The following TBL1XR1 variants were observed in gnomAD, a reference collection of about 807,000 sequenced individuals.
TBL1XR1 encodes F-box-like/WD repeat-containing protein TBL1XR1.
Under a neutral mutation model 66.9 loss-of-function variants are expected in TBL1XR1, and 5 were observed. The observed-to-expected ratio is 0.07, with a 90% CI of 0.04 to 0.16. TBL1XR1 has a LOEUF of 0.16. TBL1XR1 is among the 10% of genes least tolerant of loss of function. The probability of loss-of-function intolerance (pLI) is 1.00; values close to 1 mark genes in which losing one functional copy is unlikely to be tolerated. For missense variants in TBL1XR1, 238 were observed against 623.2 expected (o/e 0.38, Z 6.58); for synonymous variants, 210 against 206.0 (o/e 1.02, Z -0.17).
rs557487535 is a variant in TBL1XR1, at chr3:177,059,485, C to T, written c.58+5435G>A. Among the ~76,000 whole-genome samples, 18 of 152,230 alleles carry T rather than the reference C, an allele frequency of 1.2e-4. No homozygotes were observed. The South Asian group carries it at 1.2e-3, about 11-fold the overall frequency. ...AATTAAAAAATAATAGTATATGGTT[C>T]TGACTTGTGATTTTACAAATATAAC... On this transcript the variant is annotated intron_variant, in intron 3 of 15. Coordinates refer to ENST00000457928, the MANE Select transcript of TBL1XR1 (RefSeq NM_024665.7).
chr3:177,077,660 G>C (rs1243863140), intron 2 of TBL1XR1, among the ~76,000 whole-genome samples: 1 of 152,156 alleles, frequency 6.6e-6, no homozygotes, highest in East Asian at 1.9e-4. Context: ...AAGTGAGTAT[G>C]CTGGTATCAT....
intron 3 of TBL1XR1, among the ~76,000 whole-genome samples, chr3:177,061,827 C>T (rs1164290176): frequency 6.6e-6 from 1 of 152,124 alleles, no homozygotes; most frequent in Non-Finnish European, 1.5e-5. Flanking sequence ...CCCAAAACAA[C>T]CCAGACATTA....
At chr3:177,026,795 GT>G in intron 14 of TBL1XR1, 1 of 205,932 alleles carries the variant, frequency 4.9e-6, no homozygotes, top group Non-Finnish European at 9.6e-6. Flanking sequence ...CATGAAATAA[GT>G]TTTTGTTGTT....
At chr3:177,044,130 C>T (rs1044744835) in intron 10 of TBL1XR1, among the ~76,000 whole-genome samples, 2 of 152,134 alleles carry the variant, frequency 1.3e-5, no homozygotes, top group Admixed American at 6.5e-5. Flanking sequence ...CCCGCAGCAT[C>T]GAATCTGTGG....
chr3:177,057,395 G>A (rs1355959470), intron 3 of TBL1XR1, among the ~76,000 whole-genome samples: 1 of 152,112 alleles, frequency 6.6e-6, no homozygotes, highest in African/African-American at 2.4e-5. Flanking sequence ...CCTGACAAAA[G>A]GGTTTAAGTC....
rs1413731627 is a variant in TBL1XR1 at position 177,047,393 on chromosome 3, G to T, written c.771C>A (p.Asn257Lys). Residue 257 changes from asparagine (N) to lysine (K), a missense_variant, in exon 9 of 16, where the codon AAC becomes AAA. Asn to Lys is a moderately conservative substitution (Grantham distance 94). Around this residue, in one of 8 missense-constraint regions of TBL1XR1, gnomAD observed 89 missense variants for 220.2 expected, o/e 0.40. Transcript: ENST00000457928. ...GFARIWTKDGNLASTLGQHKG... is the reference protein window; with the variant it reads ...GFARIWTKDGKLASTLGQHKG... ...TATGCTGCCCTAAGGTGCTAGCAAG[G>T]TTACCTAAAATGCAAAAGAAAAACA... The T allele has an allele frequency of 1.3e-6, 2 of 1,584,154 alleles. No individual in the cohort carries two copies. The highest frequency in any genetic ancestry group is 1.7e-6 in the Non-Finnish European group (2 of 1,164,058).
At chr3:177,133,935 G>C (rs1728610065) in intron 1 of TBL1XR1, among the ~76,000 whole-genome samples, 1 of 148,236 alleles carries the variant, frequency 6.7e-6, no homozygotes, top group Non-Finnish European at 1.5e-5. Context: ...GACGTCTGTT[G>C]TTTTTAGTCT....
At chr3:177,154,487 C>T (rs1731261101) in intron 1 of TBL1XR1, among the ~76,000 whole-genome samples, 1 of 152,128 alleles carries the variant, frequency 6.6e-6, no homozygotes, top group South Asian at 2.1e-4. Context: ...ACTTGTACCT[C>T]CCAGGTTCAA....
At chr3:177,050,201 C>T in intron 6 of TBL1XR1, 63 bp from the exon 7 acceptor site, 1 of 1,514,532 alleles carries the variant, frequency 6.6e-7, no homozygotes, top group Non-Finnish European at 9.0e-7. Context: ...AACAAGGCAA[C>T]ATATTTACAT....
chr3:177,042,767 A>T (rs979650297), intron 10 of TBL1XR1, among the ~76,000 whole-genome samples: 8 of 152,170 alleles, frequency 5.3e-5, no homozygotes, highest in African/African-American at 1.7e-4. Context: ...ATAATTTCTT[A>T]AAATCTTGGA....
chr3:177,172,254 CCCA>C (rs1283968270), intron 1 of TBL1XR1, among the ~76,000 whole-genome samples: 1 of 119,140 alleles, frequency 8.4e-6, no homozygotes, highest in Non-Finnish European at 1.7e-5. Flanking sequence ...AAGCAAAACT[CCCA>C]CCTCAAAAAA....
In TBL1XR1 at chr3:177,189,948, T is replaced by C. The variant is rs560001205; in HGVS notation, c.-122+7173A>G. On this transcript the variant is annotated intron_variant, in intron 1 of 15. Coordinates refer to ENST00000457928, the MANE Select transcript of TBL1XR1 (RefSeq NM_024665.7). ...CTTAGGTACACTACTAAGGAAATAATGAAGAAAAAACCTAACAGATTAAGA... is the reference window on the plus strand; with the variant it reads ...CTTAGGTACACTACTAAGGAAATAACGAAGAAAAAACCTAACAGATTAAGA... Among the ~76,000 whole-genome samples the C allele has an allele frequency of 7.2e-5, 11 of 151,738 alleles. 1 individual carries two copies. The South Asian group carries it at 1.9e-3, about 26-fold the overall frequency.
At chr3:177,133,277 A>G (rs150974303) in intron 1 of TBL1XR1, among the ~76,000 whole-genome samples, 3,412 of 152,206 alleles carry the variant, frequency 0.022, 150 homozygotes, top group African/African-American at 0.078. Flanking sequence ...ACAAGAGCAA[A>G]ACTCTGTCTC....
Position 177,031,337 on chromosome 3 carries a change from T to G in TBL1XR1, c.1416+1634A>C, listed in dbSNP as rs181565824. Among the ~76,000 whole-genome samples the G allele has an allele frequency of 2.0e-5, 3 of 151,708 alleles. No individual in the cohort carries two copies. In the South Asian group the frequency reaches 6.3e-4, roughly 32 times the overall value. ...TAAAGCAGAACATTTTTACTTAATT[T>G]TTATTTTTTTTTTTTGAGACAGGGT... is the stretch of plus-strand genomic sequence containing the variant. On this transcript the variant is annotated intron_variant, in intron 14 of 15. Transcript: ENST00000457928.
At chr3:177,193,965 C>T (rs1736496717) in intron 1 of TBL1XR1, 1 of 152,154 alleles carries the variant, frequency 6.6e-6, no homozygotes, top group South Asian at 2.1e-4. Flanking sequence ...AGGGTATAAA[C>T]AGCATAGAAA....
At chr3:177,100,099 C>A (rs78723447) in intron 1 of TBL1XR1, among the ~76,000 whole-genome samples, 9,628 of 152,090 alleles carry the variant, frequency 0.063, 411 homozygotes, top group South Asian at 0.17. Context: ...ATCAGCCAGG[C>A]ATGGTGGCGC....
intron 14 of TBL1XR1, among the ~76,000 whole-genome samples, chr3:177,028,059 A>G (rs1457926523): frequency 2.0e-5 from 3 of 152,194 alleles, no homozygotes; most frequent in Non-Finnish European, 4.4e-5. Context: ...ACGAACCAAA[A>G]CATTATGGGC....
intron 10 of TBL1XR1, among the ~76,000 whole-genome samples, chr3:177,040,724 T>A (rs1437300023): frequency 6.6e-6 from 1 of 151,884 alleles, no homozygotes; most frequent in African/African-American, 2.4e-5. Flanking sequence ...AAGCCCCAAA[T>A]CTAAAAGTAC....
chr3:177,168,124 G>GTTA (rs1263396995), intron 1 of TBL1XR1, among the ~76,000 whole-genome samples: 1 of 152,098 alleles, frequency 6.6e-6, no homozygotes, highest in East Asian at 1.9e-4. Context: ...ATTAGGCCAT[G>GTTA]TTATATAACA....
Sources: allele counts gnomAD v4.1 joint callset (sites outside exome capture counted in the v4.1 genomes callset), GRCh38; gene constraint gnomAD v4.1.1; regional missense constraint gnomAD v4.1.1; transcripts MANE v1.5; gene names NCBI Gene and HGNC (gene_info 2026-07-23, HGNC 2026-07-21).